The following PEMT variants were observed in gnomAD, a reference collection of about 807,000 sequenced individuals.
The protein encoded by PEMT is phospholipid methyltransferase.
In PEMT, 23 loss-of-function variants were observed where a neutral mutation model predicts 27.4. The ratio of observed to expected loss-of-function variants is 0.84; its 90% CI spans 0.60 to 1.19. The LOEUF (loss-of-function observed/expected upper bound fraction) is 1.19. Ranked by LOEUF, PEMT falls within the 50% of genes most tolerant of loss-of-function variation. The pLI, the probability that PEMT is intolerant of heterozygous loss-of-function variation, is 0.00. For missense variants in PEMT, 307 were observed against 310.1 expected, an observed-to-expected ratio of 0.99 and a Z score of 0.07; for synonymous variants, 137 against 139.1, an observed-to-expected ratio of 0.98 and a Z score of 0.11.
At chr17:17,534,666 CA>C (rs1309522460) in intron 2 of PEMT, among the ~76,000 whole-genome samples, 7 of 152,254 alleles carry the variant, frequency 4.6e-5, no homozygotes, top group Middle Eastern at 3.4e-3. Flanking sequence ...GTGAGACCCC[CA>C]TCTCTACAAA....
intron 3 of PEMT, among the ~76,000 whole-genome samples, chr17:17,514,471 C>T (rs975255056): frequency 1.3e-5 from 2 of 152,224 alleles, no homozygotes; most frequent in African/African-American, 4.8e-5. Context: ...GTGGACAAAG[C>T]CACCAGGACC....
chr17:17,566,846 A>G (rs1910860179), intron 2 of PEMT, among the ~76,000 whole-genome samples: 1 of 152,200 alleles, frequency 6.6e-6, no homozygotes, highest in African/African-American at 2.4e-5. Context: ...GTCCACAGAA[A>G]GGTGGAAGTA....
intron 3 of PEMT, among the ~76,000 whole-genome samples, chr17:17,516,115 C>T (rs1184678932): frequency 6.6e-6 from 1 of 152,122 alleles, no homozygotes; most frequent in African/African-American, 2.4e-5. Context: ...CCTGGGGTGT[C>T]TCCGCAACGT....
intron 3 of PEMT, among the ~76,000 whole-genome samples, chr17:17,515,459 GC>G (rs1481865715): frequency 6.6e-6 from 1 of 152,146 alleles, no homozygotes; most frequent in Non-Finnish European, 1.5e-5. Context: ...CAGTCCTGGG[GC>G]CTTTCCTTTC....
intron 2 of PEMT, among the ~76,000 whole-genome samples, chr17:17,530,935 C>T (rs942962113): frequency 2.6e-5 from 4 of 151,066 alleles, no homozygotes; most frequent in Non-Finnish European, 4.4e-5. Context: ...CCCAGCTACT[C>T]GGGAGGCTGA....
chr17:17,572,083 G>A (rs1029074407), intron 2 of PEMT, among the ~76,000 whole-genome samples: 3 of 152,180 alleles, frequency 2.0e-5, no homozygotes, highest in Non-Finnish European at 2.9e-5. Flanking sequence ...CTCCTCCCAC[G>A]GTTGCCCCAG....
At chr17:17,530,735 C>G (rs1036102679) in intron 2 of PEMT, among the ~76,000 whole-genome samples, 5 of 152,046 alleles carry the variant, frequency 3.3e-5, no homozygotes, top group Non-Finnish European at 7.4e-5. Context: ...TGACTATATA[C>G]ACATTAATTA....
intron 2 of PEMT, among the ~76,000 whole-genome samples, chr17:17,555,352 C>T (rs560770266): frequency 1.8e-3 from 278 of 152,324 alleles, no homozygotes; most frequent in Non-Finnish European, 3.5e-3. Flanking sequence ...AGGAGATGCT[C>T]ACCAGCACCT....
At chr17:17,588,212 G>A (rs779964696) in intron 1 of PEMT, among the ~76,000 whole-genome samples, 10 of 152,140 alleles carry the variant, frequency 6.6e-5, no homozygotes, top group Non-Finnish European at 8.8e-5. Flanking sequence ...CAAAATGTAC[G>A]GCCTTGAAAA....
At chr17:17,534,895 CTATTTTATTTTATTTTATTT>C (rs71860290) in intron 2 of PEMT, among the ~76,000 whole-genome samples, 12 of 148,532 alleles carry the variant, frequency 8.1e-5, no homozygotes, top group Admixed American at 2.7e-4. Flanking sequence ...CTCTATAAGG[CTATTTTATTTTATTTTATTT>C]TATTTTATTT....
In PEMT at chr17:17,523,515, G is replaced by A. The variant is rs373171555; in HGVS notation, c.205-1120C>T. 6.6e-6 allele frequency among the ~76,000 whole-genome samples: 1 copy of A among 152,200 alleles called. No homozygotes were observed. Among genetic ancestry groups the A allele is most frequent in the East Asian group, 1.9e-4 (1 of 5,194 alleles). ...CAGCAGATGGCGGGGGGCAGGGTAT[G>A]CCAAAGTTTACAGGAAGGAGAAGTG... is the stretch of plus-strand genomic sequence containing the variant. On this transcript the variant is annotated intron_variant, in intron 2 of 6. Coordinates refer to ENST00000255389, the MANE Select transcript of PEMT (RefSeq NM_148172.3). The surrounding 1 kb of genome is among the most constrained non-coding windows in gnomAD (Gnocchi z 4.8).
intron 5 of PEMT, chr17:17,508,005 C>T (rs1906025521): frequency 1.3e-5 from 2 of 152,352 alleles, no homozygotes; most frequent in Non-Finnish European, 2.9e-5. Context: ...GGGGAGGCAC[C>T]GAAGGTTGGG....
chr17:17,554,355 G>A (rs1237359216), intron 2 of PEMT, among the ~76,000 whole-genome samples: 18 of 152,302 alleles, frequency 1.2e-4, no homozygotes, highest in African/African-American at 3.6e-4. Flanking sequence ...CCCCTCCCAT[G>A]TCCTACTCTA....
chr17:17,548,751 T>C (rs1728124527), intron 2 of PEMT, among the ~76,000 whole-genome samples: 1 of 152,192 alleles, frequency 6.6e-6, no homozygotes, highest in African/African-American at 2.4e-5. Flanking sequence ...TTTCTCCATG[T>C]TGAGGCTGGT....
intron 1 of PEMT, among the ~76,000 whole-genome samples, chr17:17,577,886 G>A (rs550192748): frequency 2.6e-5 from 4 of 151,710 alleles, no homozygotes; most frequent in Admixed American, 6.6e-5. Flanking sequence ...GCATGGTGGC[G>A]GGCGCCTGTA....
At position 17,512,680 on chromosome 17, in the gene PEMT, G is replaced by T; in HGVS notation, c.321-26C>A. The T allele has an allele frequency of 6.7e-7, 1 of 1,492,208 alleles. No individual in the cohort carries two copies. The allele number at this position is 1,492,208 out of a possible 1,614,324, so 92.4% of individuals were successfully genotyped here. Reference sequence around the variant, plus strand: ...CTGTGGGCAGGGGATGGAGAGGGAGGACGTCATGGCCAGGGAGGATGTCAC... The same window carrying T: ...CTGTGGGCAGGGGATGGAGAGGGAGTACGTCATGGCCAGGGAGGATGTCAC... On this transcript the variant is annotated intron_variant, in intron 3 of 6. Transcript: ENST00000255389. The surrounding 1 kb of genome is among the most constrained non-coding windows in gnomAD (Gnocchi z 6.3).
chr17:17,575,620 C>T (rs999135494), intron 2 of PEMT, among the ~76,000 whole-genome samples: 5 of 152,196 alleles, frequency 3.3e-5, no homozygotes, highest in Admixed American at 6.5e-5. Flanking sequence ...CAGCTGGGGA[C>T]GGTGTGGCTG....
chr17:17,547,171 C>A (rs1174955454), intron 2 of PEMT, among the ~76,000 whole-genome samples: 1 of 152,278 alleles, frequency 6.6e-6, no homozygotes, highest in African/African-American at 2.4e-5. Flanking sequence ...GGTGCTATTT[C>A]TCACCTGCTG....
At chr17:17,557,854 C>T (rs1420643778) in intron 2 of PEMT, among the ~76,000 whole-genome samples, 1 of 152,184 alleles carries the variant, frequency 6.6e-6, no homozygotes, top group African/African-American at 2.4e-5. Flanking sequence ...AGCTTCAAGC[C>T]GGCCTCACCC....
Sources: allele counts gnomAD v4.1 joint callset (sites outside exome capture counted in the v4.1 genomes callset), GRCh38; gene constraint gnomAD v4.1.1; non-coding constraint Gnocchi (gnomAD v3.1); transcripts MANE v1.5; gene names NCBI Gene and HGNC (gene_info 2026-07-23, HGNC 2026-07-21).